TMTC1: variants seen among roughly 807,000 people sequenced by gnomAD.
TMTC1 encodes protein O-mannosyl-transferase TMTC1.
A neutral mutation model predicts 104.8 loss-of-function variants in TMTC1; 73 were observed. The ratio of observed to expected loss-of-function variants is 0.70; its 90% CI spans 0.58 to 0.85. TMTC1 has a LOEUF of 0.85. TMTC1 is among the 40% of genes least tolerant of loss of function. The pLI, the probability that TMTC1 is intolerant of heterozygous loss-of-function variation, is 0.00. For synonymous variants in TMTC1, 434 were observed against 428.7 expected (o/e 1.01, Z -0.15); for missense variants, 1,035 against 1,096.1 (o/e 0.94, Z 0.79).
At chr12:29,511,005 C>G (rs1034633998) in intron 17 of TMTC1, among the ~76,000 whole-genome samples, 1 of 152,144 alleles carries the variant, frequency 6.6e-6, no homozygotes, top group Non-Finnish European at 1.5e-5. Context: ...GGCCTCTGCA[C>G]GTGCTTGTGC....
At chr12:29,579,086 C>T (rs1026244586) in intron 8 of TMTC1, among the ~76,000 whole-genome samples, 14 of 152,000 alleles carry the variant, frequency 9.2e-5, no homozygotes, top group African/African-American at 3.4e-4. Context: ...GGTTACAGAC[C>T]CAATAAATCG....
rs184101657 is a variant in TMTC1, at chr12:29,614,246, T to C, written c.1129-9947A>G. The stretch of plus-strand genomic sequence containing the variant: ...GAATTACTATTCATGGTAGATTTGA[T>C]TCCTGTTATCTGTCAATGTACTCAC... On this transcript the variant is annotated intron_variant, in intron 6 of 17. Coordinates refer to ENST00000539277, the MANE Select transcript of TMTC1 (RefSeq NM_001193451.2). Among the ~76,000 whole-genome samples the C allele has an allele frequency of 3.3e-4, 50 of 152,346 alleles. 1 individual carries two copies. In the East Asian group the frequency reaches 8.9e-3, roughly 27 times the overall value.
chr12:29,730,615 A>G (rs144948909), intron 5 of TMTC1, among the ~76,000 whole-genome samples: 10 of 152,216 alleles, frequency 6.6e-5, no homozygotes, highest in African/African-American at 1.9e-4. Context: ...CAGCATTGTC[A>G]TCTGCAGCGA....
chr12:29,622,082 G>A (rs563968246), intron 6 of TMTC1, among the ~76,000 whole-genome samples: 1 of 152,286 alleles, frequency 6.6e-6, no homozygotes, highest in South Asian at 2.1e-4. Context: ...CCTATGAGGT[G>A]AAGGGAGGGG....
chr12:29,680,100 G>A (rs1940863267), intron 5 of TMTC1, among the ~76,000 whole-genome samples: 1 of 152,146 alleles, frequency 6.6e-6, no homozygotes, highest in Non-Finnish European at 1.5e-5. Flanking sequence ...TAATTACGCT[G>A]GTGTCGTTAG....
intron 5 of TMTC1, among the ~76,000 whole-genome samples, chr12:29,656,232 T>C (rs112797891): frequency 0.024 from 3,602 of 151,964 alleles, 153 homozygotes; most frequent in African/African-American, 0.082. Context: ...GACCATTTTC[T>C]AGGTGCTCAA....
At chr12:29,623,825 A>T (rs890637307) in intron 6 of TMTC1, among the ~76,000 whole-genome samples, 1 of 148,824 alleles carries the variant, frequency 6.7e-6, no homozygotes, top group Non-Finnish European at 1.5e-5. Flanking sequence ...AAATAAATAA[A>T]TAAATTAAAT....
At chr12:29,557,048 T>C (rs761311961) in intron 9 of TMTC1, 48 bp from the exon 10 acceptor site, 1 of 1,601,642 alleles carries the variant, frequency 6.2e-7, no homozygotes, top group Non-Finnish European at 8.5e-7. Context: ...AACTTCTAAG[T>C]TGGGCACAAC....
chr12:29,522,584 G>GTGTGTGTGTGTA (rs1369648355), intron 11 of TMTC1, among the ~76,000 whole-genome samples: 3 of 150,928 alleles, frequency 2.0e-5, no homozygotes, highest in Admixed American at 6.7e-5. Context: ...GTGTGTGTGT[G>GTGTGTGTGTGTA]TGTAATGAAG....
chr12:29,543,269 TAGCAAA>T (rs1171789485), intron 10 of TMTC1, among the ~76,000 whole-genome samples: 1 of 152,222 alleles, frequency 6.6e-6, no homozygotes, highest in Non-Finnish European at 1.5e-5. Flanking sequence ...GACAGATATT[TAGCAAA>T]AGCAAACAAG....
rs1938389291 is a variant in TMTC1 at position 29,633,253 on chromosome 12, C to T, written c.1022G>A (p.Gly341Asp). 1 of 1,613,926 alleles carries T rather than the reference C, an allele frequency of 6.2e-7. No individual in the cohort carries two copies. Among genetic ancestry groups the T allele is most frequent in the East Asian group, 2.2e-5 (1 of 44,860 alleles). The change falls in exon 6 of 18, where the codon GGC becomes GAC. Residue 341 changes from glycine (G) to aspartate (D), a missense_variant. Physicochemically the swap from Gly to Asp is moderately conservative, Grantham distance 94 (BLOSUM62 -1). Transcript: ENST00000539277. ...TATGGTCTCTACCAGAGGAATACTG[C>T]CGACCTGCCAGTCATAGCACAGGGT... is the stretch of plus-strand genomic sequence containing the variant. ...PVTLCYDWQV[G>D]SIPLVETIWD... is the part of the protein sequence containing the mutation.
intron 7 of TMTC1, among the ~76,000 whole-genome samples, chr12:29,586,669 C>A (rs1946143035): frequency 6.6e-6 from 1 of 150,620 alleles, no homozygotes; most frequent in African/African-American, 2.5e-5. Flanking sequence ...TGTCAAAGGC[C>A]TTTTCTGCAT....
At position 29,502,565 on chromosome 12, in the gene TMTC1, G is replaced by C. The variant is rs538066270; in HGVS notation, c.*4281C>G. The C allele has an allele frequency of 2.7e-4, 41 of 152,108 alleles. No individual in the cohort carries two copies. The highest frequency in any genetic ancestry group is 9.4e-4 in the African/African-American group (39 of 41,468). 9.4% of individuals were successfully genotyped at this position (152,108 alleles called of 1,614,324 possible). On this transcript the variant is annotated 3_prime_UTR_variant, in exon 18 of 18. Coordinates refer to ENST00000539277, the MANE Select transcript of TMTC1 (RefSeq NM_001193451.2). The stretch of plus-strand genomic sequence containing the variant: ...AGAACGAGGAATTGTGTCATTTTAA[G>C]GCCAAATTGCAGTCCAATTGCCACA...
intron 6 of TMTC1, among the ~76,000 whole-genome samples, chr12:29,623,118 A>C (rs1225243051): frequency 1.3e-5 from 2 of 152,194 alleles, no homozygotes; most frequent in African/African-American, 2.4e-5. Context: ...ATAGTCTGCA[A>C]TGTGTAATGG....
chr12:29,710,866 ATAT>A (rs1171889330), intron 5 of TMTC1, among the ~76,000 whole-genome samples: 16 of 136,582 alleles, frequency 1.2e-4, no homozygotes, highest in African/African-American at 2.8e-4. Flanking sequence ...TATATTAATT[ATAT>A]TATTATAAAT....
intron 5 of TMTC1, among the ~76,000 whole-genome samples, chr12:29,742,063 T>A (rs1269852050): frequency 6.6e-6 from 1 of 152,234 alleles, no homozygotes; most frequent in East Asian, 1.9e-4. Context: ...AAGGAAAAAT[T>A]ACTTAAGGAA....
chr12:29,529,348 T>C (rs895771108), intron 11 of TMTC1, among the ~76,000 whole-genome samples: 3 of 151,814 alleles, frequency 2.0e-5, no homozygotes, highest in Non-Finnish European at 4.4e-5. Context: ...AAAGGGCCAA[T>C]AGAAAAAAAA....
At chr12:29,534,616 A>T (rs2136197304) in intron 11 of TMTC1, 1 of 152,362 alleles carries the variant, frequency 6.6e-6, no homozygotes, top group Middle Eastern at 3.4e-3. Context: ...GTAAGGAAAA[A>T]GTATATACGT....
At chr12:29,773,370 C>T (rs1056532477) in intron 1 of TMTC1, among the ~76,000 whole-genome samples, 1 of 152,114 alleles carries the variant, frequency 6.6e-6, no homozygotes, top group Non-Finnish European at 1.5e-5. Context: ...TTAAGATAAA[C>T]CCCATCACTG....
Sources: allele counts gnomAD v4.1 joint callset (sites outside exome capture counted in the v4.1 genomes callset), GRCh38; gene constraint gnomAD v4.1.1; transcripts MANE v1.5; gene names NCBI Gene and HGNC (gene_info 2026-07-23, HGNC 2026-07-21).